ADCY9: variants seen among roughly 807,000 people sequenced by gnomAD.
ADCY9 encodes adenylate cyclase type 9.
A neutral mutation model predicts 101.5 loss-of-function variants in ADCY9; 50 were observed. The observed-to-expected ratio is 0.49, with a 90% CI of 0.39 to 0.62. The LOEUF (loss-of-function observed/expected upper bound fraction) is 0.62. Ranked by LOEUF, ADCY9 falls within the 20% of genes least tolerant of loss-of-function variation. The pLI is 0.00. For synonymous variants in ADCY9, 905 were observed against 769.3 expected (o/e 1.18, Z -2.92); for missense variants, 1,662 against 1,800.4 (o/e 0.92, Z 1.39).
chr16:4,029,035 G>A lies in ADCY9; in HGVS notation c.1694-21477C>T, dbSNP rs147833007. Among the ~76,000 whole-genome samples, 460 of 152,060 alleles carry A rather than the reference G, an allele frequency of 3.0e-3. 5 individuals carry two copies. The highest frequency in any genetic ancestry group is 0.011 in the African/African-American group (436 of 41,496). ...CCTCACCTCGTGATCCACCCTCCTC[G>A]GCCTCCCAAAGTGCTGGGATTACAG... On this transcript the variant is annotated intron_variant, in intron 2 of 10. Coordinates refer to ENST00000294016, the MANE Select transcript of ADCY9 (RefSeq NM_001116.4).
rs182584567 is a variant in ADCY9 at position 4,087,071 on chromosome 16, C to T, written c.1693+26679G>A. 3.7e-4 allele frequency among the ~76,000 whole-genome samples: 56 copies of T among 152,142 alleles called. 1 individual carries two copies. The highest frequency in any genetic ancestry group is 1.1e-3 in the African/African-American group (47 of 41,544). On this transcript the variant is annotated intron_variant, in intron 2 of 10. Transcript: ENST00000294016. The stretch of plus-strand genomic sequence containing the variant: ...CATTCTGATACTGCGCCCTACATCC[C>T]AACAAGTTATGTCTTTTACCTGCAT...
Position 4,115,469 on chromosome 16 carries a change from G to A in ADCY9, c.-27C>T. 2 of 1,505,818 alleles carry A rather than the reference G, an allele frequency of 1.3e-6. No homozygotes were observed. Among genetic ancestry groups the A allele is most frequent in the Non-Finnish European group, 1.8e-6 (2 of 1,126,696 alleles). 93.3% of individuals were successfully genotyped at this position (1,505,818 alleles called of 1,614,324 possible). ...TTGTCGAGTCCCGGGGCCTGCCCCG[G>A]CCGGGGTCACCAGTACCTGCCAGCA... On this transcript the variant is annotated 5_prime_UTR_variant, in exon 2 of 11. Transcript: ENST00000294016. This position sits in a 1 kb window ranked among gnomAD's most constrained non-coding sequence, Gnocchi z 6.2.
intron 10 of ADCY9, among the ~76,000 whole-genome samples, chr16:3,974,344 G>A (rs1361503691): frequency 6.6e-6 from 1 of 152,208 alleles, no homozygotes; most frequent in Non-Finnish European, 1.5e-5. Flanking sequence ...GTGCCTGGCT[G>A]ATTTCAAGTC....
At chr16:4,096,527 T>C (rs1258953383) in intron 2 of ADCY9, among the ~76,000 whole-genome samples, 1 of 152,182 alleles carries the variant, frequency 6.6e-6, no homozygotes, top group Non-Finnish European at 1.5e-5. Flanking sequence ...CACACCCAGT[T>C]TTTAGGCAGC....
chr16:4,036,761 C>A (rs1419293390), intron 2 of ADCY9, among the ~76,000 whole-genome samples: 1 of 151,924 alleles, frequency 6.6e-6, no homozygotes. Flanking sequence ...CATGCCCAGC[C>A]ACAATACATT....
At chr16:3,969,569 A>AAT (rs57260468) in intron 10 of ADCY9, among the ~76,000 whole-genome samples, 532 of 45,180 alleles carry the variant, frequency 0.012, 12 homozygotes, top group East Asian at 0.03. Context: ...GTTTGTTTGA[A>AAT]ATATATATAT....
At chr16:4,030,490 T>G (rs2056548307) in intron 2 of ADCY9, among the ~76,000 whole-genome samples, 1 of 151,878 alleles carries the variant, frequency 6.6e-6, no homozygotes, top group Non-Finnish European at 1.5e-5. Context: ...TTACCTGAGG[T>G]CAGGAGTTTG....
intron 3 of ADCY9, among the ~76,000 whole-genome samples, chr16:3,997,614 G>A (rs1284796207): frequency 6.6e-6 from 1 of 152,222 alleles, no homozygotes; most frequent in Admixed American, 6.5e-5. Context: ...AGACACCCAC[G>A]CTCGGGCCTC....
chr16:3,969,569 A>AATATATATATATATATATAT (rs57260468), intron 10 of ADCY9, among the ~76,000 whole-genome samples: 14 of 45,236 alleles, frequency 3.1e-4, no homozygotes, highest in South Asian at 1.3e-3. Context: ...GTTTGTTTGA[A>AATATATATATATATATATAT]ATATATATAT....
At chr16:3,986,220 G>A (rs925052582) in intron 6 of ADCY9, among the ~76,000 whole-genome samples, 1 of 152,218 alleles carries the variant, frequency 6.6e-6, no homozygotes. Context: ...TGCACCTTGT[G>A]GGCGGTGGGA....
At chr16:4,012,125 T>C (rs1376745054) in intron 2 of ADCY9, among the ~76,000 whole-genome samples, 1 of 152,198 alleles carries the variant, frequency 6.6e-6, no homozygotes, top group Non-Finnish European at 1.5e-5. Context: ...GACCAACCCA[T>C]AGTGATAACA....
At chr16:4,082,819 C>T (rs775822317) in intron 2 of ADCY9, among the ~76,000 whole-genome samples, 4 of 152,256 alleles carry the variant, frequency 2.6e-5, no homozygotes, top group Non-Finnish European at 5.9e-5. Flanking sequence ...GTAAGTTCAC[C>T]CCAATGGGGC....
chr16:4,103,214 G>T (rs1055392631), intron 2 of ADCY9, among the ~76,000 whole-genome samples: 10 of 152,324 alleles, frequency 6.6e-5, no homozygotes, highest in African/African-American at 2.4e-4. Flanking sequence ...GCGTGTTTGG[G>T]TGGCACATAC....
chr16:4,108,390 T>TTTTTTTTTTTA (rs1491411801), intron 2 of ADCY9, among the ~76,000 whole-genome samples: 1 of 123,672 alleles, frequency 8.1e-6, no homozygotes, highest in African/African-American at 3.4e-5. Flanking sequence ...TTTTTTTTTT[T>TTTTTTTTTTTA]GGCGACAAAG....
intron 2 of ADCY9, among the ~76,000 whole-genome samples, chr16:4,075,429 G>A (rs1234257833): frequency 5.9e-5 from 9 of 152,140 alleles, no homozygotes; most frequent in African/African-American, 2.2e-4. Flanking sequence ...ATGAGCCACC[G>A]TGCCTGGCCA....
intron 2 of ADCY9, among the ~76,000 whole-genome samples, chr16:4,041,559 C>G (rs1209227455): frequency 6.8e-6 from 1 of 146,730 alleles, no homozygotes; most frequent in Non-Finnish European, 1.5e-5. Context: ...AAATCTATTG[C>G]TAAATTCAAG....
At chr16:4,045,344 C>T (rs1224806207) in intron 2 of ADCY9, among the ~76,000 whole-genome samples, 1 of 151,934 alleles carries the variant, frequency 6.6e-6, no homozygotes, top group East Asian at 1.9e-4. Context: ...CGCCTGTAAT[C>T]CCAGCACTTT....
Position 3,966,195 on chromosome 16 carries a change from G to C in ADCY9, c.3642C>G (p.Arg1214=). The C allele has an allele frequency of 6.2e-7, 1 of 1,614,212 alleles. No homozygotes were observed. Among genetic ancestry groups the C allele is most frequent in the Non-Finnish European group, 8.5e-7 (1 of 1,180,044 alleles). The change falls in exon 11 of 11, where the codon CGC becomes CGG. Residue 1214 remains arginine, a synonymous_variant. Coordinates refer to ENST00000294016, the MANE Select transcript of ADCY9 (RefSeq NM_001116.4). ...AGTCATAGCCCATCTTGCTCAAGAC[G>C]CGGTAGCTCTCTTCGCTCACCTGGA... The part of the protein sequence containing the change: ...CRIQVSEESY[R]VLSKMGYDFD...
rs1411027959 is a variant in ADCY9, at chr16:4,007,637, G to C, written c.1694-79C>G. The C allele has an allele frequency of 3.3e-6, 4 of 1,229,802 alleles. No homozygotes were observed. The African/African-American group carries it at 4.5e-5, about 14-fold the overall frequency. The allele number at this position is 1,229,802 out of a possible 1,614,324, so 76.2% of individuals were successfully genotyped here. Reference sequence around the variant, plus strand: ...ACGCAGCTCCGTCTTGCTCTCTGGAGAGGACTCACTCCTGGAAAGTTGAGA... The same window carrying C: ...ACGCAGCTCCGTCTTGCTCTCTGGACAGGACTCACTCCTGGAAAGTTGAGA... On this transcript the variant is annotated intron_variant, in intron 2 of 10. Transcript: ENST00000294016.
Sources: gnomAD v4.1 joint callset for allele counts (sites outside exome capture counted in the v4.1 genomes callset) on GRCh38, gnomAD v4.1.1 for gene constraint, Gnocchi (gnomAD v3.1) non-coding constraint, MANE v1.5 for transcripts, NCBI Gene and HGNC (gene_info 2026-07-23, HGNC 2026-07-21) for gene names.